Variants in ENOX1 observed in about 807,000 individuals in gnomAD.
ENOX1 encodes candidate growth-related and time keeping constitutive hydroquinone (NADH) oxidase.
Under a neutral mutation model 82.5 loss-of-function variants are expected in ENOX1, and 42 were observed. That is an observed-to-expected ratio of 0.51 (90% CI 0.40 to 0.66). ENOX1 has a LOEUF of 0.66. Among genes scored for constraint, ENOX1 ranks in the 30% least tolerant of loss-of-function variants. The pLI is 0.00. For missense variants in ENOX1, 608 were observed against 811.6 expected, an observed-to-expected ratio of 0.75 and a Z score of 3.05; for synonymous variants, 271 against 282.2, an observed-to-expected ratio of 0.96 and a Z score of 0.40.
At chr13:43,446,188 T>A (rs1362375503) in intron 3 of ENOX1, among the ~76,000 whole-genome samples, 4 of 151,794 alleles carry the variant, frequency 2.6e-5, no homozygotes, top group Non-Finnish European at 4.4e-5. Flanking sequence ...TTTCATTAAG[T>A]GCCAAGACAA....
At chr13:43,568,779 A>G (rs2080037503) in intron 2 of ENOX1, among the ~76,000 whole-genome samples, 1 of 150,838 alleles carries the variant, frequency 6.6e-6, no homozygotes, top group Admixed American at 6.6e-5. Context: ...TTTCATCCCC[A>G]CATTTGAAAC....
chr13:43,546,223 G>T (rs1259139681), intron 2 of ENOX1: 1 of 152,238 alleles, frequency 6.6e-6, no homozygotes, highest in African/African-American at 2.4e-5. Context: ...CATGGATAGA[G>T]ACTGAATGGC....
chr13:43,745,945 C>G lies in ENOX1; in HGVS notation c.-285+40707G>C, dbSNP rs530047814. Among the ~76,000 whole-genome samples, 3 of 152,130 alleles carry G rather than the reference C, an allele frequency of 2.0e-5. No homozygotes were observed. The South Asian group carries it at 6.2e-4, about 31-fold the overall frequency. On this transcript the variant is annotated intron_variant, in intron 1 of 16. Coordinates refer to ENST00000690772, the MANE Select transcript of ENOX1 (RefSeq NM_001347969.2). ...GTTTCCTGAGGCCTCCCAAGTCACA[C>G]TGAACTGTGAGTCTTTCCTTTATAA...
chr13:43,567,325 ATTTG>A (rs1393179296), intron 2 of ENOX1, among the ~76,000 whole-genome samples: 4 of 151,998 alleles, frequency 2.6e-5, no homozygotes, highest in African/African-American at 7.2e-5. Flanking sequence ...CCCTGTCAGT[ATTTG>A]TTTTTTATCT....
intron 10 of ENOX1, among the ~76,000 whole-genome samples, chr13:43,323,162 C>A (rs1040687435): frequency 1.3e-5 from 2 of 152,226 alleles, no homozygotes; most frequent in Non-Finnish European, 2.9e-5. Flanking sequence ...CAGGCACACA[C>A]ACACACCATT....
intron 9 of ENOX1, among the ~76,000 whole-genome samples, chr13:43,337,578 C>A (rs1482561359): frequency 1.3e-5 from 2 of 152,132 alleles, no homozygotes; most frequent in African/African-American, 4.8e-5. Context: ...GGAAACAGCA[C>A]AAGCAAATGT....
chr13:43,582,118 T>C (rs983695194), intron 2 of ENOX1, among the ~76,000 whole-genome samples: 1 of 152,122 alleles, frequency 6.6e-6, no homozygotes, highest in East Asian at 1.9e-4. Flanking sequence ...TGTATCATGA[T>C]ACAATAAAAC....
chr13:43,719,302 T>TACACACACACAC (rs3024232), intron 1 of ENOX1, among the ~76,000 whole-genome samples: 2,487 of 126,714 alleles, frequency 0.02, 50 homozygotes, highest in South Asian at 0.034. Context: ...TTCATTCAAA[T>TACACACACACAC]ACACACACAC....
intron 3 of ENOX1, among the ~76,000 whole-genome samples, chr13:43,463,298 AG>A (rs1317148436): frequency 1.3e-5 from 2 of 152,196 alleles, no homozygotes; most frequent in African/African-American, 4.8e-5. Flanking sequence ...TCAAGTTACT[AG>A]GCATGACAGC....
At chr13:43,406,654 T>G (rs929536745) in intron 5 of ENOX1, among the ~76,000 whole-genome samples, 8 of 151,756 alleles carry the variant, frequency 5.3e-5, no homozygotes, top group Admixed American at 1.3e-4. Context: ...CACCATGCCC[T>G]GCTAATTTTT....
intron 16 of ENOX1, among the ~76,000 whole-genome samples, chr13:43,223,176 G>C (rs1426439024): frequency 6.6e-6 from 1 of 152,194 alleles, no homozygotes; most frequent in Non-Finnish European, 1.5e-5. Context: ...CAGTCTGCTG[G>C]TCTGGTCGTA....
chr13:43,265,576 T>C lies in ENOX1; in HGVS notation c.1555-122A>G, dbSNP rs2044327774. 3.7e-5 allele frequency: 28 copies of C among 748,942 alleles called. No individual in the cohort carries two copies. The East Asian group carries it at 7.1e-4, about 19-fold the overall frequency. 46.4% of individuals were successfully genotyped at this position (748,942 alleles called of 1,614,324 possible). A position where few individuals can be genotyped will look rare whatever the true frequency, so the allele number is the denominator to read the frequency against. ...GCATTTTATAAAACTTCCAATGAGATAAAACAGATGGAGCACATATTTCTA... is the reference window on the plus strand; with the variant it reads ...GCATTTTATAAAACTTCCAATGAGACAAAACAGATGGAGCACATATTTCTA... On this transcript the variant is annotated intron_variant, in intron 13 of 16. Coordinates refer to ENST00000690772, the MANE Select transcript of ENOX1 (RefSeq NM_001347969.2).
Position 43,415,921 on chromosome 13 carries a change from G to A in ENOX1, c.-74-2933C>T, listed in dbSNP as rs2054462739. Among the ~76,000 whole-genome samples, 8 of 147,368 alleles carry A rather than the reference G, an allele frequency of 5.4e-5. No homozygotes were observed. In the South Asian group the frequency reaches 1.1e-3, roughly 20 times the overall value. On this transcript the variant is annotated intron_variant, in intron 3 of 16. Transcript: ENST00000690772. Reference sequence around the variant, plus strand: ...CCAGACGGGGCGGCCGGGCAGAGGCGCTCCTCAGTTCCCAGATGGGGTGGC... The same window carrying A: ...CCAGACGGGGCGGCCGGGCAGAGGCACTCCTCAGTTCCCAGATGGGGTGGC...
chr13:43,334,086 TGAAACTCTAG>T (rs769990133), intron 9 of ENOX1, among the ~76,000 whole-genome samples: 2 of 152,178 alleles, frequency 1.3e-5, no homozygotes, highest in Non-Finnish European at 2.9e-5. Context: ...CTACCAAAGG[TGAAACTCTAG>T]GGATGGGGCC....
At chr13:43,288,071 T>G (rs1029309895) in intron 12 of ENOX1, among the ~76,000 whole-genome samples, 1 of 152,190 alleles carries the variant, frequency 6.6e-6, no homozygotes, top group South Asian at 2.1e-4. Flanking sequence ...ATGAGGATTA[T>G]CATCTTGTGG....
At chr13:43,542,396 T>A (rs2078775901) in intron 2 of ENOX1, among the ~76,000 whole-genome samples, 2 of 151,104 alleles carry the variant, frequency 1.3e-5, no homozygotes, top group African/African-American at 4.9e-5. Flanking sequence ...ACTCCCAAAG[T>A]GCTGGGATTA....
At chr13:43,686,707 C>T (rs1477984395) in intron 1 of ENOX1, among the ~76,000 whole-genome samples, 1 of 152,194 alleles carries the variant, frequency 6.6e-6, no homozygotes, top group Non-Finnish European at 1.5e-5. Context: ...CACACAGAAA[C>T]TGCGTTTTCC....
chr13:43,236,645 G>T lies in ENOX1; in HGVS notation c.1705C>A (p.Leu569Met). Residue 569 changes from leucine (L) to methionine (M), a missense_variant, in exon 15 of 17, where the codon CTG becomes ATG. Coordinates refer to ENST00000690772, the MANE Select transcript of ENOX1 (RefSeq NM_001347969.2). ...SQGLKSEKEA[L>M]LIGIISTFLH... The stretch of plus-strand genomic sequence containing the variant: ...AACAGAATTTCCTTACCTATTAGCA[G>T]AGCTTCTTTCTCTGATTTTAAGCCT... 1 of 1,574,812 alleles carries T rather than the reference G, an allele frequency of 6.3e-7. No individual in the cohort carries two copies. The highest frequency in any genetic ancestry group is 8.6e-7 in the Non-Finnish European group (1 of 1,167,928).
At chr13:43,425,755 A>G (rs1196515871) in intron 3 of ENOX1, among the ~76,000 whole-genome samples, 1 of 152,266 alleles carries the variant, frequency 6.6e-6, no homozygotes, top group Non-Finnish European at 1.5e-5. Flanking sequence ...CTAAATGTTT[A>G]TAAATTCCAT....
Sources: gnomAD v4.1 joint callset for allele counts (sites outside exome capture counted in the v4.1 genomes callset) on GRCh38, gnomAD v4.1.1 for gene constraint, MANE v1.5 for transcripts, NCBI Gene and HGNC (gene_info 2026-07-23, HGNC 2026-07-21) for gene names.